Variants in HIPK2 observed in about 807,000 individuals in gnomAD.
The protein encoded by HIPK2 is homeodomain interacting protein kinase 2, also known as homeodomain-interacting protein kinase 2.
A neutral mutation model predicts 113.7 loss-of-function variants in HIPK2; 27 were observed. The observed-to-expected ratio is 0.24, with a 90% CI of 0.17 to 0.33. The LOEUF (loss-of-function observed/expected upper bound fraction) is 0.33. HIPK2 is among the 10% of genes least tolerant of loss of function. The pLI is 1.00. For synonymous variants in HIPK2, 631 were observed against 642.2 expected, an observed-to-expected ratio of 0.98 and a Z score of 0.26; for missense variants, 1,257 against 1,588.0, an observed-to-expected ratio of 0.79 and a Z score of 3.54.
chr7:139,674,031 A>C (rs923977962), intron 2 of HIPK2, among the ~76,000 whole-genome samples: 1 of 151,634 alleles, frequency 6.6e-6, no homozygotes, highest in Non-Finnish European at 1.5e-5. Context: ...AGCCTACTGC[A>C]CTTCAGCCCG....
intron 1 of HIPK2, among the ~76,000 whole-genome samples, chr7:139,756,456 G>A (rs746930034): frequency 7.9e-5 from 12 of 151,962 alleles, no homozygotes; most frequent in Non-Finnish European, 1.5e-4. Flanking sequence ...ACGGAGTCTC[G>A]CTCTGTCACC....
intron 1 of HIPK2, among the ~76,000 whole-genome samples, chr7:139,722,508 C>T (rs913697798): frequency 1.3e-5 from 2 of 152,136 alleles, no homozygotes; most frequent in Non-Finnish European, 2.9e-5. Flanking sequence ...AAACATCTGC[C>T]TTCTAGCCTT....
intron 1 of HIPK2, among the ~76,000 whole-genome samples, chr7:139,731,966 A>C (rs1408316330): frequency 1.3e-5 from 2 of 152,192 alleles, no homozygotes; most frequent in East Asian, 3.9e-4. Flanking sequence ...AGGGAAGAGC[A>C]GGAAGAAACG....
intron 1 of HIPK2, among the ~76,000 whole-genome samples, chr7:139,764,426 G>C (rs996818084): frequency 2.6e-5 from 4 of 152,158 alleles, no homozygotes; most frequent in African/African-American, 9.7e-5. Flanking sequence ...AATACAATTT[G>C]GTGATGGGTT....
intron 2 of HIPK2, among the ~76,000 whole-genome samples, chr7:139,703,157 G>A (rs1449246204): frequency 1.3e-5 from 2 of 152,122 alleles, no homozygotes; most frequent in African/African-American, 2.4e-5. Context: ...TTCCCTAGAG[G>A]TCATTAGGGG....
At chr7:139,584,761 G>C (rs1269309054) in intron 12 of HIPK2, among the ~76,000 whole-genome samples, 1 of 152,224 alleles carries the variant, frequency 6.6e-6, no homozygotes, top group Non-Finnish European at 1.5e-5. Flanking sequence ...CTCACCTGCA[G>C]CTTTTCCACT....
intron 2 of HIPK2, among the ~76,000 whole-genome samples, chr7:139,643,214 T>G (rs1401910492): frequency 2.6e-5 from 4 of 152,126 alleles, no homozygotes; most frequent in Non-Finnish European, 4.4e-5. Context: ...ATAATTGCAG[T>G]TGGGTCTAGA....
Position 139,585,940 on chromosome 7 carries a change from C to T in HIPK2, c.2718-1876G>A, listed in dbSNP as rs533943152. Among the ~76,000 whole-genome samples, 8 of 152,074 alleles carry T rather than the reference C, an allele frequency of 5.3e-5. No individual in the cohort carries two copies. The East Asian group carries it at 1.5e-3, about 29-fold the overall frequency. On this transcript the variant is annotated intron_variant, in intron 12 of 14. Coordinates refer to ENST00000406875, the MANE Select transcript of HIPK2 (RefSeq NM_022740.5). ...TCTACGCGGGGTACTACAGGGAATA[C>T]CTATACAAAGAAATATGTGTCTCTG...
chr7:139,772,743 C>T (rs1041989409), intron 1 of HIPK2, among the ~76,000 whole-genome samples: 3 of 149,656 alleles, frequency 2.0e-5, no homozygotes, highest in African/African-American at 5.1e-5. Context: ...ACCACCACCA[C>T]GCCCAGCTAT....
chr7:139,645,077 A>C lies in HIPK2; in HGVS notation c.1104-13352T>G, dbSNP rs111400358. ...TGTTTGCTGGATGAATGAATGAACC[A>C]ACAACAGGCAGAAGAAACACGATGC... On this transcript the variant is annotated intron_variant, in intron 2 of 14. Transcript: ENST00000406875. 1.0e-3 allele frequency among the ~76,000 whole-genome samples: 153 copies of C among 152,388 alleles called. 1 individual carries two copies. The highest frequency in any genetic ancestry group is 3.4e-3 in the African/African-American group (140 of 41,596).
intron 2 of HIPK2, among the ~76,000 whole-genome samples, chr7:139,636,924 C>G (rs73156864): frequency 6.6e-6 from 1 of 152,180 alleles, no homozygotes; most frequent in Non-Finnish European, 1.5e-5. Context: ...CAATTCCACA[C>G]GTCTAGAAGG....
chr7:139,591,110 G>A (rs1353898898), intron 12 of HIPK2, among the ~76,000 whole-genome samples: 5 of 152,200 alleles, frequency 3.3e-5, no homozygotes, highest in Admixed American at 6.5e-5. Flanking sequence ...GCCTCCCCAA[G>A]TGCTGGGATT....
At chr7:139,629,860 A>G (rs1800551856) in intron 4 of HIPK2, among the ~76,000 whole-genome samples, 1 of 151,830 alleles carries the variant, frequency 6.6e-6, no homozygotes, top group South Asian at 2.1e-4. Flanking sequence ...ACCCTCCTCC[A>G]CCGGAGGACT....
At chr7:139,743,181 T>C (rs1796133923) in intron 1 of HIPK2, among the ~76,000 whole-genome samples, 1 of 152,126 alleles carries the variant, frequency 6.6e-6, no homozygotes, top group Non-Finnish European at 1.5e-5. Context: ...CAGGTTTCCC[T>C]TTCCCTACTG....
intron 2 of HIPK2, among the ~76,000 whole-genome samples, chr7:139,647,539 C>G (rs978463814): frequency 1.3e-5 from 2 of 152,090 alleles, no homozygotes; most frequent in African/African-American, 4.8e-5. Flanking sequence ...TATAAAGCTC[C>G]ACTTTTTAAT....
chr7:139,624,126 G>A (rs1800339905), intron 6 of HIPK2, among the ~76,000 whole-genome samples: 1 of 151,806 alleles, frequency 6.6e-6, no homozygotes, highest in Non-Finnish European at 1.5e-5. Context: ...GGGTTCAAGC[G>A]ATTCTTGTGC....
At chr7:139,775,939 A>G (rs568830714) in intron 1 of HIPK2, among the ~76,000 whole-genome samples, 16 of 152,196 alleles carry the variant, frequency 1.1e-4, no homozygotes, top group Non-Finnish European at 2.2e-4. Flanking sequence ...TTCTGAATTC[A>G]ATGCCAAGTT....
At chr7:139,577,140 CTTT>C (rs966966045) in intron 13 of HIPK2, among the ~76,000 whole-genome samples, 57 of 91,430 alleles carry the variant, frequency 6.2e-4, no homozygotes, top group Non-Finnish European at 9.3e-4. Context: ...ACTGGGCTTC[CTTT>C]TTTTTTTTTT....
At chr7:139,732,165 G>C (rs1217464877) in intron 1 of HIPK2, among the ~76,000 whole-genome samples, 1 of 152,164 alleles carries the variant, frequency 6.6e-6, no homozygotes, top group South Asian at 2.1e-4. Context: ...ATGCAATGTG[G>C]TATTATTTGC....
Sources: allele counts gnomAD v4.1 joint callset (sites outside exome capture counted in the v4.1 genomes callset), GRCh38; gene constraint gnomAD v4.1.1; transcripts MANE v1.5; gene names NCBI Gene and HGNC (gene_info 2026-07-23, HGNC 2026-07-21).